Variants in NFAM1 observed in about 807,000 individuals in gnomAD.
NFAM1 encodes the protein NFAT activating protein with ITAM motif 1.
NFAM1 carries 17 observed loss-of-function variants against 29.0 expected under a neutral mutation model. The observed-to-expected ratio is 0.59, with a 90% CI of 0.40 to 0.88. NFAM1 has a LOEUF of 0.88. Among genes scored for constraint, NFAM1 ranks in the 40% least tolerant of loss-of-function variants. NFAM1 has a pLI of 0.00. For missense variants in NFAM1, 324 were observed against 344.6 expected (o/e 0.94, Z 0.47); for synonymous variants, 175 against 147.2 (o/e 1.19, Z -1.36).
chr22:42,424,513 T>C (rs528428490), intron 1 of NFAM1, among the ~76,000 whole-genome samples: 1 of 152,308 alleles, frequency 6.6e-6, no homozygotes, highest in Non-Finnish European at 1.5e-5. Context: ...GCCGAACTTG[T>C]TCAGCTGAAC....
rs927127417 is a variant in NFAM1, at chr22:42,397,952, C to T, written c.569G>A (p.Arg190Gln). Residue 190 changes from arginine (R) to glutamine (Q), a missense_variant, in exon 4 of 6, where the codon CGG becomes CAG. Physicochemically the swap from Arg to Gln is conservative, Grantham distance 43. Transcript: ENST00000329021. ...GGGGTCCTTCCCTGGACCCCGCATC[C>T]GCTTCTGTAGGGAGAAAGGAGTCAG... ...GTALLLWNKK[R>Q]MRGPGKDPTR... 29 of 1,588,150 alleles carry T rather than the reference C, an allele frequency of 1.8e-5. No individual in the cohort carries two copies. In the East Asian group the frequency reaches 2.2e-4, roughly 12 times the overall value.
chr22:42,414,251 T>C (rs1446483193), intron 1 of NFAM1, among the ~76,000 whole-genome samples: 1 of 152,168 alleles, frequency 6.6e-6, no homozygotes, highest in Non-Finnish European at 1.5e-5. Flanking sequence ...GGCTCCCCTC[T>C]GGTGGACGGA....
At chr22:42,412,825 C>T (rs1601752063) in intron 1 of NFAM1, among the ~76,000 whole-genome samples, 1 of 152,168 alleles carries the variant, frequency 6.6e-6, no homozygotes, top group South Asian at 2.1e-4. Context: ...TTTCCAACAA[C>T]GCAGAGGTGC....
chr22:42,435,542 T>C (rs1930918637), upstream of NFAM1, among the ~76,000 whole-genome samples: 2 of 151,898 alleles, frequency 1.3e-5, no homozygotes, highest in South Asian at 4.1e-4. Flanking sequence ...AGATGGCATT[T>C]CTTCATGTTG....
chr22:42,414,137 C>T (rs552717679), intron 1 of NFAM1, among the ~76,000 whole-genome samples: 5 of 152,278 alleles, frequency 3.3e-5, no homozygotes, highest in South Asian at 4.1e-4. Context: ...TCCAGGGAAT[C>T]GACTCACATG....
At chr22:42,413,620 A>G (rs1056511961) in intron 1 of NFAM1, among the ~76,000 whole-genome samples, 5 of 152,052 alleles carry the variant, frequency 3.3e-5, no homozygotes, top group Non-Finnish European at 5.9e-5. Flanking sequence ...TACTAAAAAT[A>G]CAAAAAAAGA....
chr22:42,436,561 G>A (rs1930945627), upstream of NFAM1, among the ~76,000 whole-genome samples: 1 of 152,236 alleles, frequency 6.6e-6, no homozygotes, highest in Non-Finnish European at 1.5e-5. Context: ...CCCACCTGGA[G>A]GCCATCTGCC....
intron 4 of NFAM1, among the ~76,000 whole-genome samples, chr22:42,395,389 T>C (rs1408727810): frequency 2.0e-5 from 3 of 151,794 alleles, no homozygotes; most frequent in Admixed American, 1.3e-4. Flanking sequence ...GACAGGAGAA[T>C]CGCTTGAACA....
intron 3 of NFAM1, among the ~76,000 whole-genome samples, chr22:42,406,977 G>C (rs1422789544): frequency 6.6e-6 from 1 of 151,886 alleles, no homozygotes; most frequent in Non-Finnish European, 1.5e-5. Context: ...GGGTTTCACT[G>C]TGTTAGCCAG....
intron 4 of NFAM1, among the ~76,000 whole-genome samples, chr22:42,393,178 AAAG>A (rs1929403586): frequency 6.6e-6 from 1 of 152,326 alleles, no homozygotes; most frequent in African/African-American, 2.4e-5. Flanking sequence ...ACAATAATTA[AAAG>A]AAGAAATAGA....
At chr22:42,422,534 G>A (rs1930480453) in intron 1 of NFAM1, among the ~76,000 whole-genome samples, 1 of 152,108 alleles carries the variant, frequency 6.6e-6, no homozygotes, top group Non-Finnish European at 1.5e-5. Flanking sequence ...GAACCCGGGA[G>A]GTGGAGGGTG....
intron 3 of NFAM1, among the ~76,000 whole-genome samples, chr22:42,408,066 G>A (rs1929960302): frequency 6.6e-6 from 1 of 151,926 alleles, no homozygotes; most frequent in African/African-American, 2.4e-5. Flanking sequence ...GCTAATTTTT[G>A]TATTTTTAGT....
At chr22:42,436,323 A>G (rs2146566843), upstream of NFAM1, among the ~76,000 whole-genome samples, 1 of 152,336 alleles carries the variant, frequency 6.6e-6, no homozygotes, top group Admixed American at 6.5e-5. Flanking sequence ...AGAGGAGCTG[A>G]GCCGACCAGC....
Position 42,384,960 on chromosome 22 carries a change from C to A in NFAM1, c.*201G>T. On this transcript the variant is annotated 3_prime_UTR_variant, in exon 6 of 6. Transcript: ENST00000329021. ...GAAGGAACAGCCTGGGCAAAGGCCC[C>A]AAGATGGGAAAGCCTTGGTGGTTGG... 1 of 662,438 alleles carries A rather than the reference C, an allele frequency of 1.5e-6. No individual in the cohort carries two copies. 41.0% of individuals were successfully genotyped at this position (662,438 alleles called of 1,614,324 possible). A position where few individuals can be genotyped will look rare whatever the true frequency, so the allele number is the denominator to read the frequency against.
chr22:42,384,562 A>G lies in NFAM1; in HGVS notation c.*599T>C, dbSNP rs1373766296. On this transcript the variant is annotated 3_prime_UTR_variant, in exon 6 of 6. Transcript: ENST00000329021. Reference sequence around the variant, plus strand: ...TCCTGGGCCTCCAGATCTGTCCCTGATCCTAGTCTTGCCTCTGAGGGGTCC... The same window carrying G: ...TCCTGGGCCTCCAGATCTGTCCCTGGTCCTAGTCTTGCCTCTGAGGGGTCC... The G allele has an allele frequency of 6.2e-6, 1 of 160,348 alleles. No homozygotes were observed. The highest frequency in any genetic ancestry group is 6.0e-5 in the Admixed American group (1 of 16,606). The allele number at this position is 160,348 out of a possible 1,614,324, so 9.9% of individuals were successfully genotyped here.
At chr22:42,412,677 G>A (rs2147109776) in intron 1 of NFAM1, among the ~76,000 whole-genome samples, 1 of 152,332 alleles carries the variant, frequency 6.6e-6, no homozygotes, top group East Asian at 1.9e-4. Context: ...GAGGGAGGCA[G>A]GTCTGCCCAC....
At chr22:42,398,871 TGA>T (rs1929626815) in intron 3 of NFAM1, among the ~76,000 whole-genome samples, 1 of 151,956 alleles carries the variant, frequency 6.6e-6, no homozygotes, top group Admixed American at 6.6e-5. Context: ...CCAGGCAGTG[TGA>T]GGAGGTGGGC....
intron 3 of NFAM1, among the ~76,000 whole-genome samples, chr22:42,406,657 G>A (rs1434875987): frequency 6.6e-6 from 1 of 152,152 alleles, no homozygotes. Context: ...CCTTCACATT[G>A]CTGAGTTTCC....
upstream of NFAM1, among the ~76,000 whole-genome samples, chr22:42,434,619 C>T (rs577668509): frequency 2.6e-5 from 4 of 152,304 alleles, no homozygotes; most frequent in South Asian, 4.1e-4. Context: ...GAAATAAAAC[C>T]GCAGCGCATC....
Sources: allele counts gnomAD v4.1 joint callset (sites outside exome capture counted in the v4.1 genomes callset), GRCh38; gene constraint gnomAD v4.1.1; transcripts MANE v1.5; gene names NCBI Gene and HGNC (gene_info 2026-07-23, HGNC 2026-07-21).